The following KANSL1L variants were observed in gnomAD, a reference collection of about 807,000 sequenced individuals.
The protein encoded by KANSL1L is KAT8 regulatory NSL complex subunit 1 like.
A neutral mutation model predicts 108.6 loss-of-function variants in KANSL1L; 25 were observed. The observed-to-expected ratio is 0.23, with a 90% CI of 0.17 to 0.32. The LOEUF (loss-of-function observed/expected upper bound fraction) is 0.32. KANSL1L is among the 10% of genes least tolerant of loss of function. The pLI is 1.00. For missense variants in KANSL1L, 1,137 were observed against 1,125.7 expected (o/e 1.01, Z -0.14); for synonymous variants, 405 against 395.1 (o/e 1.03, Z -0.30).
chr2:210,159,984 C>T (rs1246654394), intron 1 of KANSL1L, among the ~76,000 whole-genome samples: 9 of 152,046 alleles, frequency 5.9e-5, no homozygotes, highest in Admixed American at 2.6e-4. Flanking sequence ...TGCAGTGAGC[C>T]GAGATCACGC....
intron 1 of KANSL1L, among the ~76,000 whole-genome samples, chr2:210,164,515 C>T (rs2095376836): frequency 6.6e-6 from 1 of 152,030 alleles, no homozygotes; most frequent in South Asian, 2.1e-4. Context: ...CTCTAGGCAC[C>T]ACCATCATCT....
chr2:210,046,380 A>G (rs917608227), intron 6 of KANSL1L, among the ~76,000 whole-genome samples: 2 of 152,158 alleles, frequency 1.3e-5, no homozygotes, highest in African/African-American at 4.8e-5. Context: ...AATATCATCT[A>G]AATCAGATAT....
chr2:210,089,978 C>T (rs1490856084), intron 5 of KANSL1L, among the ~76,000 whole-genome samples: 1 of 152,152 alleles, frequency 6.6e-6, no homozygotes, highest in African/African-American at 2.4e-5. Context: ...CAAAGGGATA[C>T]CTACAAATGC....
chr2:210,121,259 T>C (rs192468916), intron 3 of KANSL1L, among the ~76,000 whole-genome samples: 7 of 152,296 alleles, frequency 4.6e-5, no homozygotes, highest in Admixed American at 4.6e-4. Flanking sequence ...TGCCCATCAA[T>C]GGTAGACTGC....
At chr2:210,113,024 G>A (rs952124263) in intron 3 of KANSL1L, among the ~76,000 whole-genome samples, 2 of 152,144 alleles carry the variant, frequency 1.3e-5, no homozygotes, top group Admixed American at 6.5e-5. Context: ...CATAAGTCAG[G>A]GTAGGGGAAA....
intron 3 of KANSL1L, 142 bp from the exon 4 acceptor site, chr2:210,104,443 A>C: frequency 1.6e-6 from 1 of 627,306 alleles, no homozygotes; most frequent in Non-Finnish European, 2.7e-6. Context: ...AACTCTGTAA[A>C]GAACTGGCTG....
At chr2:210,097,002 G>A (rs2094742887) in intron 5 of KANSL1L, 1 of 180,026 alleles carries the variant, frequency 5.6e-6, no homozygotes, top group Non-Finnish European at 1.1e-5. Context: ...GGAGTGCAGT[G>A]GTGTGATCTT....
chr2:210,050,625 CAGG>C (rs2094280629), intron 6 of KANSL1L, among the ~76,000 whole-genome samples: 1 of 144,990 alleles, frequency 6.9e-6, no homozygotes, highest in South Asian at 2.1e-4. Context: ...GAGGCCATGG[CAGG>C]AGGATAGCTT....
chr2:210,126,364 A>T (rs955430517), intron 3 of KANSL1L, among the ~76,000 whole-genome samples: 1 of 152,214 alleles, frequency 6.6e-6, no homozygotes, highest in African/African-American at 2.4e-5. Context: ...TGGAAGACTT[A>T]ATGTTGTTAA....
chr2:210,104,281 T>C lies in KANSL1L; in HGVS notation c.1251A>G (p.Glu417=). 2 of 1,613,614 alleles carry C rather than the reference T, an allele frequency of 1.2e-6. No homozygotes were observed. The highest frequency in any genetic ancestry group is 1.3e-5 in the African/African-American group (1 of 75,038). The part of the protein sequence containing the change: ...RASKGIVVLE[E]CQLPKDILKK... ...TCAAAATATCTTTTGGAAGCTGACA[T>C]TCTTCTAGGACCACTATCCCCTAGA... Residue 417 remains glutamate, a synonymous_variant, in exon 4 of 15, where the codon GAA becomes GAG. Transcript: ENST00000281772.
chr2:210,068,374 C>A (rs763480073), intron 6 of KANSL1L, among the ~76,000 whole-genome samples: 1 of 151,996 alleles, frequency 6.6e-6, no homozygotes, highest in Non-Finnish European at 1.5e-5. Flanking sequence ...CACACCCACA[C>A]ACACAGAGAA....
chr2:210,091,677 CTA>C (rs1459419770), intron 5 of KANSL1L, among the ~76,000 whole-genome samples: 1 of 152,180 alleles, frequency 6.6e-6, no homozygotes, highest in Non-Finnish European at 1.5e-5. Flanking sequence ...CTTCTGACCT[CTA>C]TGTTATTGCT....
chr2:210,034,835 A>G (rs936887087), intron 8 of KANSL1L, among the ~76,000 whole-genome samples: 29 of 152,162 alleles, frequency 1.9e-4, no homozygotes, highest in African/African-American at 7.0e-4. Flanking sequence ...CTCCTCTTCC[A>G]TCTATCTGAG....
At chr2:210,168,989 G>A (rs1688163218) in intron 1 of KANSL1L, among the ~76,000 whole-genome samples, 1 of 152,088 alleles carries the variant, frequency 6.6e-6, no homozygotes, top group African/African-American at 2.4e-5. Flanking sequence ...TCACAGATTA[G>A]AGTGAAAAAA....
At chr2:210,085,850 A>C (rs908043922) in intron 5 of KANSL1L, among the ~76,000 whole-genome samples, 1 of 150,732 alleles carries the variant, frequency 6.6e-6, no homozygotes, top group Non-Finnish European at 1.5e-5. Context: ...ATATAATATT[A>C]GGTTTTAGGC....
At chr2:210,128,259 G>A (rs995251785) in intron 3 of KANSL1L, among the ~76,000 whole-genome samples, 2 of 152,078 alleles carry the variant, frequency 1.3e-5, no homozygotes, top group African/African-American at 4.8e-5. Context: ...TTCAACTTGT[G>A]GGTGTTTACC....
In KANSL1L at chr2:210,052,478, G is replaced by T. The variant is rs181849971; in HGVS notation, c.1756-8374C>A. 2.0e-5 allele frequency among the ~76,000 whole-genome samples: 3 copies of T among 152,244 alleles called. No homozygotes were observed. The East Asian group carries it at 5.8e-4, about 29-fold the overall frequency. On this transcript the variant is annotated intron_variant, in intron 6 of 14. Transcript: ENST00000281772. ...TTTCCTTAATATGTTTAATGACTCA[G>T]AAATACTGGAAATGCTTTAACTCTA... is the stretch of plus-strand genomic sequence containing the variant.
At chr2:210,102,562 A>C (rs1022338872) in intron 4 of KANSL1L, among the ~76,000 whole-genome samples, 1 of 152,152 alleles carries the variant, frequency 6.6e-6, no homozygotes, top group African/African-American at 2.4e-5. Context: ...TTTGCAATCT[A>C]CCTATCTGAC....
Position 210,025,144 on chromosome 2 carries a change from A to T in KANSL1L, c.2524T>A (p.Ser842Thr), listed in dbSNP as rs2093918407. The T allele has an allele frequency of 6.2e-7, 1 of 1,613,476 alleles. No individual in the cohort carries two copies. Among genetic ancestry groups the T allele is most frequent in the African/African-American group, 1.3e-5 (1 of 74,922 alleles). Reference sequence around the variant, plus strand: ...TGCCACTTGCTTTGCTCCCATAGTGACCACCTGGCTTGCTCTCTCTCTTCA... The same window carrying T: ...TGCCACTTGCTTTGCTCCCATAGTGTCCACCTGGCTTGCTCTCTCTCTTCA... The part of the protein sequence containing the change: ...KYEEREQARW[S>T]LWEQSKWHRR... Residue 842 changes from serine (S) to threonine (T), a missense_variant, in exon 13 of 15, where the codon TCA (serine) becomes ACA (threonine). By Grantham distance (58) the Ser-to-Thr change is moderately conservative. Coordinates refer to ENST00000281772, the MANE Select transcript of KANSL1L (RefSeq NM_152519.4).
Sources: allele counts gnomAD v4.1 joint callset (sites outside exome capture counted in the v4.1 genomes callset), GRCh38; gene constraint gnomAD v4.1.1; transcripts MANE v1.5; gene names NCBI Gene and HGNC (gene_info 2026-07-23, HGNC 2026-07-21).